The following ARHGAP6 variants were observed in gnomAD, a reference collection of about 807,000 sequenced individuals.
ARHGAP6 encodes rho GTPase-activating protein 6.
Under a neutral mutation model 55.7 loss-of-function variants are expected in ARHGAP6, and 16 were observed. The ratio of observed to expected loss-of-function variants is 0.29; its 90% CI spans 0.19 to 0.44. The LOEUF is 0.44. Ranked by LOEUF, ARHGAP6 falls within the 20% of genes least tolerant of loss-of-function variation. The pLI, the probability that ARHGAP6 is intolerant of heterozygous loss-of-function variation, is 1.00. For missense variants in ARHGAP6, 698 were observed against 808.9 expected (o/e 0.86, Z 1.66); for synonymous variants, 382 against 360.9 (o/e 1.06, Z -0.66).
chrX:11,232,329 G>A (rs1333644898), intron 2 of ARHGAP6, among the ~76,000 whole-genome samples: 1 of 111,555 alleles, frequency 9.0e-6, no homozygotes, highest in Non-Finnish European at 1.9e-5. Flanking sequence ...GCAAGTAAAT[G>A]GTAAAGACAG....
chrX:11,606,817 G>A (rs1016811078), intron 1 of ARHGAP6, among the ~76,000 whole-genome samples: 18 of 111,632 alleles, frequency 1.6e-4, no homozygotes, highest in Non-Finnish European at 2.8e-4. Context: ...TATATGAGGG[G>A]TAATTTAAAA....
At chrX:11,336,233 A>G (rs1455535549) in intron 1 of ARHGAP6, among the ~76,000 whole-genome samples, 1 of 111,209 alleles carries the variant, frequency 9.0e-6, no homozygotes, top group Non-Finnish European at 1.9e-5. Context: ...TAATGATCAT[A>G]ATTATTGGAA....
At chrX:11,344,842 T>C in intron 1 of ARHGAP6, among the ~76,000 whole-genome samples, 1 of 111,096 alleles carries the variant, frequency 9.0e-6, no homozygotes, top group East Asian at 2.8e-4. Context: ...CCAAACACTG[T>C]ACAGACATCC....
At chrX:11,239,304 AG>A (rs1281570501) in intron 2 of ARHGAP6, among the ~76,000 whole-genome samples, 1 of 111,648 alleles carries the variant, frequency 9.0e-6, no homozygotes, top group Non-Finnish European at 1.9e-5. Context: ...ATTCAAGCAA[AG>A]GTTGGAAACT....
At chrX:11,295,532 A>G (rs2048070616) in intron 1 of ARHGAP6, among the ~76,000 whole-genome samples, 2 of 111,535 alleles carry the variant, frequency 1.8e-5, no homozygotes, top group African/African-American at 3.3e-5. Context: ...CTTAGATCAC[A>G]TGCATGCCAA....
rs983261301 is a variant in ARHGAP6, at chrX:11,573,868, G to A, written c.588+90373C>T. ...GTATCCTCTTTTATTTCATAGAGCA[G>A]TGGTTTGTGGTTCTCCTTGAAGAGG... On this transcript the variant is annotated intron_variant, in intron 1 of 12. Coordinates refer to ENST00000337414, the MANE Select transcript of ARHGAP6 (RefSeq NM_013427.3). Among the ~76,000 whole-genome samples the A allele has an allele frequency of 2.7e-5, 3 of 111,445 alleles. No individual in the cohort carries two copies. In the Admixed American group the frequency reaches 2.9e-4, roughly 11 times the overall value.
chrX:11,338,533 G>A (rs1406990200), intron 1 of ARHGAP6, among the ~76,000 whole-genome samples: 1 of 111,524 alleles, frequency 9.0e-6, no homozygotes. Flanking sequence ...GCAAAAATAA[G>A]TTAATTAATC....
At chrX:11,653,280 A>G (rs2052606489) in intron 1 of ARHGAP6, among the ~76,000 whole-genome samples, 2 of 112,587 alleles carry the variant, frequency 1.8e-5, no homozygotes, top group African/African-American at 6.4e-5. Context: ...GTTACACCAA[A>G]TCCACAATAC....
intron 1 of ARHGAP6, among the ~76,000 whole-genome samples, chrX:11,277,710 T>TTA (rs1555981106): frequency 0.011 from 1,138 of 107,841 alleles, 4 homozygotes; most frequent in South Asian, 0.03. Flanking sequence ...TTTTTTTTTT[T>TTA]AAAAAAAAAT....
At chrX:11,503,771 A>G (rs1186303085) in intron 1 of ARHGAP6, among the ~76,000 whole-genome samples, 8 of 111,353 alleles carry the variant, frequency 7.2e-5, no homozygotes, top group Admixed American at 3.8e-4. Flanking sequence ...AATGAATTTC[A>G]TCTCACAAAA....
At chrX:11,505,692 A>G (rs1303742245) in intron 1 of ARHGAP6, among the ~76,000 whole-genome samples, 1 of 112,092 alleles carries the variant, frequency 8.9e-6, no homozygotes, top group Admixed American at 9.5e-5. Flanking sequence ...AGTGTGGTAC[A>G]TATACACCAT....
At position 11,390,521 on chromosome X, in the gene ARHGAP6, C is replaced by T. The variant is rs1416796399; in HGVS notation, c.589-135814G>A. ...CAAAAGAAACTACCATCAGAGTGAACAGGCAACCTACAAAATGGGAGAAAA... is the reference window on the plus strand; with the variant it reads ...CAAAAGAAACTACCATCAGAGTGAATAGGCAACCTACAAAATGGGAGAAAA... On this transcript the variant is annotated intron_variant, in intron 1 of 12. Coordinates refer to ENST00000337414, the MANE Select transcript of ARHGAP6 (RefSeq NM_013427.3). Among the ~76,000 whole-genome samples the T allele has an allele frequency of 2.4e-4, 27 of 111,039 alleles. No homozygotes were observed. The South Asian group carries it at 3.1e-3, about 13-fold the overall frequency.
At position 11,502,850 on chromosome X, in the gene ARHGAP6, AGTT is replaced by A; in HGVS notation, c.588+161388_588+161390del. On this transcript the variant is annotated intron_variant, in intron 1 of 12. Transcript: ENST00000337414. The stretch of plus-strand genomic sequence containing the variant: ...CTCTGGTCAACAGTAGGCTATTAGT[AGTT>A]AAGTTTTTGGGGAGTCAGAAGTTAT... 4.5e-5 allele frequency among the ~76,000 whole-genome samples: 5 copies of A among 111,847 alleles called. 1 individual carries two copies. In the Admixed American group the frequency reaches 4.7e-4, roughly 11 times the overall value.
intron 1 of ARHGAP6, among the ~76,000 whole-genome samples, chrX:11,412,767 A>G (rs1182808398): frequency 8.9e-6 from 1 of 112,342 alleles, no homozygotes; most frequent in Non-Finnish European, 1.9e-5. Flanking sequence ...TGCATATATC[A>G]TAGTTCTCAA....
At chrX:11,506,911 C>G (rs752376173) in intron 1 of ARHGAP6, among the ~76,000 whole-genome samples, 10 of 111,754 alleles carry the variant, frequency 8.9e-5, no homozygotes, top group Non-Finnish European at 1.5e-4. Flanking sequence ...TATTTCCTGA[C>G]TTTTTAATGA....
intron 1 of ARHGAP6, among the ~76,000 whole-genome samples, chrX:11,549,780 G>C (rs1461959454): frequency 8.9e-6 from 1 of 112,652 alleles, no homozygotes; most frequent in Non-Finnish European, 1.9e-5. Flanking sequence ...TTTACAAGGA[G>C]AGAATTTGAG....
intron 1 of ARHGAP6, among the ~76,000 whole-genome samples, chrX:11,363,417 A>G (rs970125760): frequency 8.9e-6 from 1 of 112,369 alleles, no homozygotes; most frequent in Non-Finnish European, 1.9e-5. Context: ...TATTTAGCTC[A>G]GGCCAACAAC....
intron 1 of ARHGAP6, among the ~76,000 whole-genome samples, chrX:11,393,441 A>C (rs761274964): frequency 1.8e-5 from 2 of 111,794 alleles, no homozygotes; most frequent in African/African-American, 6.5e-5. Flanking sequence ...TTTTCTATGG[A>C]TATAACAAAA....
intron 1 of ARHGAP6, among the ~76,000 whole-genome samples, chrX:11,254,984 C>A (rs2047474077): frequency 9.0e-6 from 1 of 111,070 alleles, no homozygotes; most frequent in Admixed American, 9.6e-5. Flanking sequence ...CTGTGAGGGT[C>A]CTACTTCCTC....
Sources: gnomAD v4.1 joint callset for allele counts (sites outside exome capture counted in the v4.1 genomes callset) on GRCh38, gnomAD v4.1.1 for gene constraint, MANE v1.5 for transcripts, NCBI Gene and HGNC (gene_info 2026-07-23, HGNC 2026-07-21) for gene names.